CNBD1: variants seen among roughly 807,000 people sequenced by gnomAD.
CNBD1 encodes the protein cyclic nucleotide binding domain containing 1.
A neutral mutation model predicts 54.4 loss-of-function variants in CNBD1; 71 were observed. The observed-to-expected ratio is 1.30, with a 90% CI of 1.08 to 1.59. The LOEUF (loss-of-function observed/expected upper bound fraction) is 1.59, where lower values mean the gene tolerates loss of function less well. CNBD1 is among the 40% of genes most tolerant of loss of function. CNBD1 has a pLI of 0.00. For synonymous variants in CNBD1, 182 were observed against 170.7 expected (o/e 1.07, Z -0.51); for missense variants, 659 against 518.0 (o/e 1.27, Z -2.64).
In CNBD1 at chr8:87,204,825, TATGATATCA is replaced by T. The variant is rs1813935542; in HGVS notation, c.432-1167_432-1159del. Among the ~76,000 whole-genome samples, 2 of 152,210 alleles carry T rather than the reference TATGATATCA, an allele frequency of 1.3e-5. 1 individual carries two copies. Among genetic ancestry groups the T allele is most frequent in the South Asian group, 4.1e-4 (2 of 4,834 alleles). On this transcript the variant is annotated intron_variant, in intron 4 of 10. Coordinates refer to ENST00000518476, the MANE Select transcript of CNBD1 (RefSeq NM_173538.3). ...AATGGCACATATTTTAGGTTTTGGT[TATGATATCA>T]TGCCATTTCTAATACGAATTATTTC...
At chr8:87,150,570 G>T (rs1476236665) in intron 4 of CNBD1, among the ~76,000 whole-genome samples, 1 of 152,190 alleles carries the variant, frequency 6.6e-6, no homozygotes, top group African/African-American at 2.4e-5. Context: ...AAACAGGCAA[G>T]GAACGTTTTA....
rs1366850259 is a variant in CNBD1, at chr8:87,406,778, C to T, written c.214-21768C>T. Among the ~76,000 whole-genome samples the T allele has an allele frequency of 2.6e-5, 4 of 151,936 alleles. No individual in the cohort carries two copies. In the South Asian group the frequency reaches 6.2e-4, roughly 24 times the overall value. The stretch of plus-strand genomic sequence containing the variant: ...CAGGGGAAAGCCACCGTGCCCGGCC[C>T]TCAGTTTACATATTAATTCACATGC... On this transcript the variant is annotated intron_variant, in intron 2 of 7. Coordinates refer to the CNBD1 transcript ENST00000521593.
chr8:87,257,815 AAT>A (rs1310190181), intron 6 of CNBD1, among the ~76,000 whole-genome samples: 2 of 152,176 alleles, frequency 1.3e-5, no homozygotes, highest in African/African-American at 4.8e-5. Flanking sequence ...GTTTAACATG[AAT>A]ATCTGGAAAA....
intron 4 of CNBD1, among the ~76,000 whole-genome samples, chr8:87,083,154 T>A (rs1453430946): frequency 6.6e-6 from 1 of 152,220 alleles, no homozygotes; most frequent in Non-Finnish European, 1.5e-5. Flanking sequence ...CATAACACTA[T>A]GTGACAAAGA....
At chr8:87,234,539 G>A (rs1381442802) in intron 5 of CNBD1, among the ~76,000 whole-genome samples, 5 of 152,168 alleles carry the variant, frequency 3.3e-5, no homozygotes, top group Admixed American at 3.3e-4. Flanking sequence ...ATGAGCAGTA[G>A]TATTTTGAAA....
intron 6 of CNBD1, among the ~76,000 whole-genome samples, chr8:87,282,192 A>G (rs889344612): frequency 1.3e-5 from 2 of 151,668 alleles, no homozygotes; most frequent in African/African-American, 4.8e-5. Flanking sequence ...TTTCTTTCCT[A>G]GCCCAAGAAT....
At chr8:87,059,618 C>A (rs1299671497) in intron 4 of CNBD1, among the ~76,000 whole-genome samples, 1 of 152,120 alleles carries the variant, frequency 6.6e-6, no homozygotes, top group Non-Finnish European at 1.5e-5. Flanking sequence ...GTTGGGGAAG[C>A]CCCTTATAAA....
At chr8:87,374,754 C>A (rs77625049) in intron 10 of CNBD1, among the ~76,000 whole-genome samples, 2,868 of 151,904 alleles carry the variant, frequency 0.019, 91 homozygotes, top group African/African-American at 0.062. Flanking sequence ...AAAATAGCAG[C>A]ATCACGTGAT....
intron 6 of CNBD1, among the ~76,000 whole-genome samples, chr8:87,251,343 T>C (rs898126094): frequency 6.6e-6 from 1 of 152,010 alleles, no homozygotes; most frequent in Admixed American, 6.6e-5. Context: ...TCCCAGCACT[T>C]TGGGAGGCCA....
At chr8:87,306,416 T>C (rs1013720502) in intron 8 of CNBD1, among the ~76,000 whole-genome samples, 6 of 152,082 alleles carry the variant, frequency 3.9e-5, no homozygotes, top group Non-Finnish European at 8.8e-5. Flanking sequence ...CAGAAGAAAA[T>C]AAGTTATTAT....
chr8:86,878,551 C>T (rs938418126), intron 1 of CNBD1, among the ~76,000 whole-genome samples: 13 of 149,846 alleles, frequency 8.7e-5, no homozygotes, highest in Non-Finnish European at 1.6e-4. Context: ...TTAACATTGT[C>T]CTCTGTATTA....
chr8:87,064,834 C>G (rs1174623522), intron 4 of CNBD1, among the ~76,000 whole-genome samples: 1 of 151,836 alleles, frequency 6.6e-6, no homozygotes, highest in East Asian at 1.9e-4. Flanking sequence ...TATCATCTTT[C>G]ATCACTTTAG....
At chr8:86,980,334 G>A (rs1177492672) in intron 4 of CNBD1, among the ~76,000 whole-genome samples, 2 of 152,214 alleles carry the variant, frequency 1.3e-5, no homozygotes, top group African/African-American at 4.8e-5. Context: ...TGCCCTCTCT[G>A]ACATCTAATG....
chr8:87,046,194 C>T (rs920129398), intron 4 of CNBD1, among the ~76,000 whole-genome samples: 4 of 152,054 alleles, frequency 2.6e-5, no homozygotes, highest in Non-Finnish European at 5.9e-5. Flanking sequence ...ATGTCTTCCA[C>T]CCTTGTTGCA....
chr8:87,154,255 T>C (rs1294389035), intron 4 of CNBD1, among the ~76,000 whole-genome samples: 1 of 152,088 alleles, frequency 6.6e-6, no homozygotes, highest in East Asian at 1.9e-4. Flanking sequence ...TAAAAAGTGA[T>C]ATGAATGTAA....
chr8:87,410,334 C>T (rs1807720412), intron 2 of CNBD1, among the ~76,000 whole-genome samples: 1 of 152,058 alleles, frequency 6.6e-6, no homozygotes, highest in African/African-American at 2.4e-5. Flanking sequence ...GATAGTGATT[C>T]CTCTGATGGT....
chr8:87,065,840 C>T (rs529510206), intron 4 of CNBD1, among the ~76,000 whole-genome samples: 81 of 152,028 alleles, frequency 5.3e-4, no homozygotes, highest in Non-Finnish European at 1.0e-3. Context: ...GGAGAGTTGG[C>T]GCTCAAACCC....
chr8:87,294,599 A>G (rs1808845088), intron 8 of CNBD1, among the ~76,000 whole-genome samples: 1 of 152,232 alleles, frequency 6.6e-6, no homozygotes, highest in Non-Finnish European at 1.5e-5. Context: ...CCAGAGCCCA[A>G]GCATAAAGAT....
intron 4 of CNBD1, among the ~76,000 whole-genome samples, chr8:86,942,127 T>G (rs2130430366): frequency 6.6e-6 from 1 of 152,350 alleles, no homozygotes; most frequent in African/African-American, 2.4e-5. Flanking sequence ...ATAAAAAATT[T>G]GTGATTTAAT....
Sources: allele counts gnomAD v4.1 joint callset (sites outside exome capture counted in the v4.1 genomes callset), GRCh38; gene constraint gnomAD v4.1.1; transcripts MANE v1.5; gene names NCBI Gene and HGNC (gene_info 2026-07-23, HGNC 2026-07-21).